Variants in ABCD3 observed in about 807,000 individuals in gnomAD.
ABCD3 encodes ATP binding cassette subfamily D member 3.
In ABCD3, 41 loss-of-function variants were observed where a neutral mutation model predicts 105.5. The observed-to-expected ratio is 0.39, with a 90% confidence interval of 0.30 to 0.50. The LOEUF (loss-of-function observed/expected upper bound fraction) is 0.50, where lower values mean the gene tolerates loss of function less well. Among genes scored for constraint, ABCD3 ranks in the 20% least tolerant of loss-of-function variants. ABCD3 has a pLI of 0.84. For missense variants in ABCD3, 622 were observed against 806.3 expected, an observed-to-expected ratio of 0.77 and a Z score of 2.77; for synonymous variants, 258 against 269.0, an observed-to-expected ratio of 0.96 and a Z score of 0.40.
At chr1:94,422,891 CAG>C (rs1294425019) in intron 1 of ABCD3, among the ~76,000 whole-genome samples, 2 of 152,180 alleles carry the variant, frequency 1.3e-5, no homozygotes, top group Non-Finnish European at 2.9e-5. Context: ...CTTTAAAAAA[CAG>C]AACAGAACAA....
In ABCD3 at chr1:94,507,713, G is replaced by A. The variant is rs1054883350; in HGVS notation, c.1845+1071G>A. Among the ~76,000 whole-genome samples, 26 of 152,056 alleles carry A rather than the reference G, an allele frequency of 1.7e-4. No homozygotes were observed. In the Middle Eastern group the frequency reaches 0.01, roughly 60 times the overall value. On this transcript the variant is annotated intron_variant, in intron 21 of 22. Transcript: ENST00000370214. ...TGGTGTGAGATGTTATCTCACTGTG[G>A]TTTTGATTTGCATTTCTCTGATGGC...
chr1:94,401,779 G>T, the ABCD3 span, among the ~76,000 whole-genome samples: 1 of 152,114 alleles, frequency 6.6e-6, no homozygotes, highest in African/African-American at 2.4e-5. Context: ...TAGTTAGCTT[G>T]TTTGCTCATT....
At chr1:94,412,210 A>G in the ABCD3 span, among the ~76,000 whole-genome samples, 1 of 152,182 alleles carries the variant, frequency 6.6e-6, no homozygotes, top group Non-Finnish European at 1.5e-5. Context: ...CACATGGTTA[A>G]AAACTTAAAA....
Position 94,489,793 on chromosome 1 carries a change from C to T in ABCD3, c.1226C>T (p.Thr409Ile), listed in dbSNP as rs1051585476. ...TTAAATCATGGCAAATATGAGCGCA[C>T]AATGGTCTCACAACAGGAAAAGGGT... is the stretch of plus-strand genomic sequence containing the variant. ...KDLNHGKYER[T>I]MVSQQEKGIE... Residue 409 changes from threonine to isoleucine, a missense_variant, in exon 14 of 23, where the codon ACA (threonine) becomes ATA (isoleucine). Around this residue, in one of 4 missense-constraint regions of ABCD3, gnomAD observed 285 missense variants for 352.5 expected, o/e 0.81. Transcript: ENST00000370214. The T allele has an allele frequency of 2.0e-5, 32 of 1,612,994 alleles. No homozygotes were observed. Among genetic ancestry groups the T allele is most frequent in the Non-Finnish European group, 2.5e-5 (30 of 1,179,392 alleles).
At chr1:94,502,183 A>G (rs1345722835) in intron 20 of ABCD3, among the ~76,000 whole-genome samples, 1 of 152,194 alleles carries the variant, frequency 6.6e-6, no homozygotes, top group Non-Finnish European at 1.5e-5. Context: ...AGCACAGCTA[A>G]AAAACATCAG....
rs1648707585 is a variant in ABCD3, at chr1:94,475,724, C to G, written c.614C>G (p.Ser205Ter). ...TGTAACAGTGTAGTCGATCTGTATT[C>G]AAATCTTAGTAAGGTAAGTTTCTCT... ...KFCNSVVDLY[S>*]NLSKPFLDIV... is the part of the protein sequence containing the mutation. The change falls in exon 7 of 23, where the codon TCA becomes TGA. Residue 205 changes from serine (S) to a stop codon, truncating the protein, a stop_gained. Transcript: ENST00000370214. LOFTEE classifies it high-confidence loss of function. 2 of 1,603,802 alleles carry G rather than the reference C, an allele frequency of 1.2e-6. No homozygotes were observed. The highest frequency in any genetic ancestry group is 1.7e-6 in the Non-Finnish European group (2 of 1,171,448).
rs879139043 is a variant in ABCD3 at position 94,499,039 on chromosome 1, G to A, written c.1620+5G>A. ...AGGAAGGGAATTTCTGACCTAGTAA[G>A]GGAATGTTTATATCCTAGATCCACT... On this transcript the variant is annotated splice_donor_5th_base_variant and intron_variant, in intron 19 of 22. Coordinates refer to ENST00000370214, the MANE Select transcript of ABCD3 (RefSeq NM_002858.4). 3.1e-6 allele frequency: 5 copies of A among 1,606,856 alleles called. No individual in the cohort carries two copies. The South Asian group carries it at 4.4e-5, about 14-fold the overall frequency.
At chr1:94,484,833 G>A (rs1051369969) in intron 10 of ABCD3, among the ~76,000 whole-genome samples, 12 of 152,120 alleles carry the variant, frequency 7.9e-5, no homozygotes, top group African/African-American at 2.9e-4. Context: ...AGGTTGCTTA[G>A]GAGCCTTATT....
chr1:94,465,509 A>G (rs1408981479), intron 3 of ABCD3, among the ~76,000 whole-genome samples: 1 of 152,198 alleles, frequency 6.6e-6, no homozygotes, highest in Non-Finnish European at 1.5e-5. Context: ...TTTATGTGAA[A>G]TGCTAGGGTA....
intron 4 of ABCD3, among the ~76,000 whole-genome samples, chr1:94,471,408 G>T (rs1175364278): frequency 6.6e-6 from 1 of 150,704 alleles, no homozygotes; most frequent in African/African-American, 2.4e-5. Flanking sequence ...ATATAAAAAA[G>T]TTAGCTGGCT....
intron 2 of ABCD3, among the ~76,000 whole-genome samples, chr1:94,462,306 A>G (rs1357289417): frequency 6.6e-6 from 1 of 152,148 alleles, no homozygotes; most frequent in Admixed American, 6.6e-5. Flanking sequence ...TTGTGAATTT[A>G]AAATGAATTC....
At chr1:94,411,764 T>C in the ABCD3 span, among the ~76,000 whole-genome samples, 1 of 152,182 alleles carries the variant, frequency 6.6e-6, no homozygotes, top group African/African-American at 2.4e-5. Flanking sequence ...AGCTGATGAA[T>C]AGATATAAAA....
intron 1 of ABCD3, among the ~76,000 whole-genome samples, chr1:94,441,490 G>T (rs1660133678): frequency 6.6e-6 from 1 of 152,188 alleles, no homozygotes; most frequent in African/African-American, 2.4e-5. Context: ...TGACTCAGTA[G>T]TCCCACTGAG....
chr1:94,411,691 C>T, the ABCD3 span, among the ~76,000 whole-genome samples: 22 of 152,254 alleles, frequency 1.4e-4, no homozygotes, highest in African/African-American at 5.3e-4. Flanking sequence ...AATACATGTA[C>T]ATTCACGTTC....
At chr1:94,418,258 G>T (rs1176027207), upstream of ABCD3, among the ~76,000 whole-genome samples, 2 of 152,204 alleles carry the variant, frequency 1.3e-5, no homozygotes, top group African/African-American at 4.8e-5. Flanking sequence ...CCCGGGAACT[G>T]TTCCGCCCAC....
rs201632787 is a variant in ABCD3, at chr1:94,489,824, T to C, written c.1249+8T>C. On this transcript the variant is annotated splice_region_variant and intron_variant, in intron 14 of 22. Transcript: ENST00000370214. Reference sequence around the variant, plus strand: ...TCTCACAACAGGAAAAGGGTAAATATGAGTGTCACAGTTTAAGGTCACAAT... The same window carrying C: ...TCTCACAACAGGAAAAGGGTAAATACGAGTGTCACAGTTTAAGGTCACAAT... The C allele has an allele frequency of 1.4e-5, 22 of 1,612,658 alleles. 1 individual carries two copies. In the African/African-American group the frequency reaches 1.7e-4, roughly 13 times the overall value.
chr1:94,469,663 C>CTT (rs5776221), intron 4 of ABCD3, among the ~76,000 whole-genome samples: 17 of 70,074 alleles, frequency 2.4e-4, no homozygotes, highest in African/African-American at 5.1e-4. Context: ...GTGTTCTTGC[C>CTT]TTTTTTTTTT....
At position 94,517,410 on chromosome 1, in the gene ABCD3, C is replaced by T. The variant is rs568914869; in HGVS notation, c.*281C>T. 1 of 370,002 alleles carries T rather than the reference C, an allele frequency of 2.7e-6. No individual in the cohort carries two copies. The highest frequency in any genetic ancestry group is 5.1e-6 in the Non-Finnish European group (1 of 194,930). The allele number at this position is 370,002 out of a possible 1,614,324, so 22.9% of individuals were successfully genotyped here. On this transcript the variant is annotated 3_prime_UTR_variant, in exon 23 of 23. Coordinates refer to ENST00000370214, the MANE Select transcript of ABCD3 (RefSeq NM_002858.4). ...TGCCTAAATTAAATTGGGCTTCAATCACTGTAACCTGATTCATCCTGGGAT... is the reference window on the plus strand; with the variant it reads ...TGCCTAAATTAAATTGGGCTTCAATTACTGTAACCTGATTCATCCTGGGAT...
In ABCD3 at chr1:94,464,760, T is replaced by C; in HGVS notation, c.148-15T>C. The C allele has an allele frequency of 6.3e-7, 1 of 1,592,492 alleles. No individual in the cohort carries two copies. Reference sequence around the variant, plus strand: ...GTTATAGCTATCTTAAAAGGGCTTCTTTTTTTTAATGCAGAAAGAGGGGAA... The same window carrying C: ...GTTATAGCTATCTTAAAAGGGCTTCCTTTTTTTAATGCAGAAAGAGGGGAA... On this transcript the variant is annotated splice_polypyrimidine_tract_variant and intron_variant, in intron 2 of 22. Coordinates refer to ENST00000370214, the MANE Select transcript of ABCD3 (RefSeq NM_002858.4).
Sources: gnomAD v4.1 joint callset for allele counts (sites outside exome capture counted in the v4.1 genomes callset) on GRCh38, gnomAD v4.1.1 for gene constraint, gnomAD v4.1.1 regional missense constraint, MANE v1.5 for transcripts, NCBI Gene and HGNC (gene_info 2026-07-23, HGNC 2026-07-21) for gene names.